EPHB1: variants seen among roughly 807,000 people sequenced by gnomAD.
The protein encoded by EPHB1 is ephrin type-B receptor 1.
EPHB1 carries 30 observed loss-of-function variants against 94.4 expected under a neutral mutation model. That is an observed-to-expected ratio of 0.32 (90% CI 0.24 to 0.43). EPHB1 has a LOEUF of 0.43. Ranked by LOEUF, EPHB1 falls within the 20% of genes least tolerant of loss-of-function variation. The probability of loss-of-function intolerance (pLI) is 1.00; values close to 1 mark genes in which losing one functional copy is unlikely to be tolerated. For synonymous variants in EPHB1, 522 were observed against 489.1 expected (o/e 1.07, Z -0.89); for missense variants, 1,055 against 1,308.3 (o/e 0.81, Z 2.99).
intron 3 of EPHB1, among the ~76,000 whole-genome samples, chr3:134,963,170 CT>C (rs1451987419): frequency 3.5e-5 from 5 of 142,778 alleles, no homozygotes; most frequent in Non-Finnish European, 5.9e-5. Context: ...TCCTTCCTTC[CT>C]TCCTTCCTTC....
At chr3:135,130,216 A>C (rs1410623658) in intron 4 of EPHB1, among the ~76,000 whole-genome samples, 2 of 152,050 alleles carry the variant, frequency 1.3e-5, no homozygotes, top group Non-Finnish European at 2.9e-5. Context: ...GAGAGGAAGG[A>C]ACATGTCTAA....
At chr3:135,101,540 A>ATTT (rs369186263) in intron 3 of EPHB1, among the ~76,000 whole-genome samples, 1 of 145,028 alleles carries the variant, frequency 6.9e-6, no homozygotes, top group African/African-American at 2.5e-5. Flanking sequence ...CGCCCAGCTA[A>ATTT]TTTTTTTTTT....
At chr3:134,959,072 C>T (rs1933398344) in intron 3 of EPHB1, among the ~76,000 whole-genome samples, 3 of 152,156 alleles carry the variant, frequency 2.0e-5, no homozygotes, top group Admixed American at 2.0e-4. Context: ...TGAACTTGGT[C>T]ATCCATGACT....
intron 5 of EPHB1, among the ~76,000 whole-genome samples, chr3:135,145,088 G>A (rs996571523): frequency 2.0e-5 from 3 of 152,130 alleles, no homozygotes; most frequent in Non-Finnish European, 2.9e-5. Context: ...AATGAGTCAG[G>A]TCTTCTAATG....
chr3:135,123,455 T>A (rs1186439308), intron 4 of EPHB1, among the ~76,000 whole-genome samples: 1 of 152,118 alleles, frequency 6.6e-6, no homozygotes, highest in Non-Finnish European at 1.5e-5. Context: ...CAAGTAGAAA[T>A]CTGCTCCAGG....
chr3:134,862,165 C>T (rs34765827), intron 1 of EPHB1, among the ~76,000 whole-genome samples: 47,988 of 152,002 alleles, frequency 0.32, 8,992 homozygotes, highest in African/African-American at 0.53. Context: ...ATGGGCAAAG[C>T]CTCCTGAGTA....
intron 4 of EPHB1, among the ~76,000 whole-genome samples, chr3:135,121,344 G>A (rs534924979): frequency 1.3e-5 from 2 of 152,356 alleles, no homozygotes; most frequent in South Asian, 4.1e-4. Context: ...GCTCTGGGCT[G>A]TATCAGGATA....
At chr3:135,241,415 C>A in intron 13 of EPHB1, 118 bp downstream of exon 13, 3 of 1,308,264 alleles carry the variant, frequency 2.3e-6, no homozygotes, top group Non-Finnish European at 3.2e-6. Context: ...CTGCAGTGTT[C>A]AGGGTAGGGG....
chr3:134,930,081 G>A (rs1197215232), intron 2 of EPHB1, among the ~76,000 whole-genome samples: 2 of 152,196 alleles, frequency 1.3e-5, no homozygotes, highest in Non-Finnish European at 2.9e-5. Context: ...GGCCCAGCTG[G>A]CATTGCAATG....
At chr3:135,044,875 A>C (rs188958472) in intron 3 of EPHB1, among the ~76,000 whole-genome samples, 93 of 152,188 alleles carry the variant, frequency 6.1e-4, no homozygotes, top group African/African-American at 2.1e-3. Context: ...TGTTTTTTCC[A>C]ATTTTTTTTC....
chr3:135,019,045 G>A (rs993950607), intron 3 of EPHB1, among the ~76,000 whole-genome samples: 15 of 152,166 alleles, frequency 9.9e-5, no homozygotes, highest in African/African-American at 2.9e-4. Context: ...GTTCAGTGGC[G>A]TTTCCTACCA....
At chr3:134,832,896 T>A (rs1184020244) in intron 1 of EPHB1, among the ~76,000 whole-genome samples, 1 of 152,252 alleles carries the variant, frequency 6.6e-6, no homozygotes, top group African/African-American at 2.4e-5. Context: ...TATTTAATGT[T>A]GCGTTCAATC....
At chr3:135,144,577 G>T (rs1028568213) in intron 5 of EPHB1, among the ~76,000 whole-genome samples, 2 of 152,108 alleles carry the variant, frequency 1.3e-5, no homozygotes, top group Non-Finnish European at 2.9e-5. Context: ...CACATCAAAG[G>T]TAACATCAGA....
intron 3 of EPHB1, among the ~76,000 whole-genome samples, chr3:134,983,281 G>A (rs954641187): frequency 6.6e-6 from 1 of 152,230 alleles, no homozygotes; most frequent in Non-Finnish European, 1.5e-5. Flanking sequence ...TGACTACTGT[G>A]TTGGCAACTT....
chr3:135,075,109 TA>T (rs1295616082), intron 3 of EPHB1, among the ~76,000 whole-genome samples: 3 of 152,208 alleles, frequency 2.0e-5, no homozygotes, highest in Non-Finnish European at 4.4e-5. Context: ...AGGTGCTGGA[TA>T]CAAGAAGCAG....
chr3:134,958,893 C>A (rs1933391106), intron 3 of EPHB1, among the ~76,000 whole-genome samples: 1 of 152,168 alleles, frequency 6.6e-6, no homozygotes, highest in African/African-American at 2.4e-5. Context: ...TCCAAACCCC[C>A]TTGTGCTCTG....
At chr3:135,048,224 C>CT (rs71157318) in intron 3 of EPHB1, among the ~76,000 whole-genome samples, 42,389 of 108,900 alleles carry the variant, frequency 0.39, 8,293 homozygotes, top group East Asian at 0.72. Context: ...AAAAAATACT[C>CT]TTTTTTTTTT....
At chr3:135,255,661 T>C (rs1228011149) in intron 15 of EPHB1, among the ~76,000 whole-genome samples, 1 of 151,010 alleles carries the variant, frequency 6.6e-6, no homozygotes, top group Non-Finnish European at 1.5e-5. Flanking sequence ...TTGGAATAGG[T>C]GTGGTGTGGT....
In EPHB1 at chr3:135,192,910, A is replaced by T. The variant is rs114308712; in HGVS notation, c.2130+87A>T. The T allele has an allele frequency of 2.4e-3, 3,659 of 1,530,312 alleles. 77 individuals are homozygous for T. The African/African-American group carries it at 0.046, about 19-fold the overall frequency. The allele number at this position is 1,530,312 out of a possible 1,614,324, so 94.8% of individuals were successfully genotyped here. A position where few individuals can be genotyped will look rare whatever the true frequency, so the allele number is the denominator to read the frequency against. ...GGGGTTCCATGAGCACAACCTACCA[A>T]TCAGGAATCGCCTGATCCAGTGTGA... On this transcript the variant is annotated intron_variant, in intron 11 of 15. Transcript: ENST00000398015.
Sources: allele counts gnomAD v4.1 joint callset (sites outside exome capture counted in the v4.1 genomes callset), GRCh38; gene constraint gnomAD v4.1.1; transcripts MANE v1.5; gene names NCBI Gene and HGNC (gene_info 2026-07-23, HGNC 2026-07-21).